APOOL: variants seen among roughly 807,000 people sequenced by gnomAD.
APOOL encodes apolipoprotein O like, also known as MICOS complex subunit MIC27.
A neutral mutation model predicts 23.1 loss-of-function variants in APOOL; 12 were observed. The ratio of observed to expected loss-of-function variants is 0.52; its 90% CI spans 0.33 to 0.84. The LOEUF is 0.84. Ranked by LOEUF, APOOL falls within the 40% of genes least tolerant of loss-of-function variation. The pLI, the probability that APOOL is intolerant of heterozygous loss-of-function variation, is 0.02. For synonymous variants in APOOL, 77 were observed against 69.9 expected (o/e 1.10, Z -0.51); for missense variants, 212 against 199.6 (o/e 1.06, Z -0.37).
intron 6 of APOOL, among the ~76,000 whole-genome samples, chrX:85,073,742 T>A (rs972424216): frequency 4.5e-5 from 5 of 110,693 alleles, no homozygotes; most frequent in Admixed American, 3.9e-4. Flanking sequence ...CTGAAAAAAA[T>A]TAAAAAAATA....
At chrX:85,079,811 A>G (rs966392861) in intron 8 of APOOL, among the ~76,000 whole-genome samples, 4 of 111,416 alleles carry the variant, frequency 3.6e-5, no homozygotes, top group African/African-American at 1.3e-4. Flanking sequence ...TTCCTGGTTT[A>G]GTCTTGGGAG....
intron 1 of APOOL, among the ~76,000 whole-genome samples, chrX:85,036,111 A>G (rs985591352): frequency 5.3e-5 from 6 of 112,264 alleles, no homozygotes; most frequent in Admixed American, 9.4e-5. Flanking sequence ...ATCCATGAGC[A>G]TGGAATGTTT....
rs750290861 is a variant in APOOL at position 85,030,914 on chromosome X, A to T, written c.16-15532A>T. On this transcript the variant is annotated intron_variant, in intron 1 of 8. Transcript: ENST00000373173. ...GTACTCCAAAAACTATTGAAATAGT[A>T]GATACATAGAAATTAAAAATAATAA... is the stretch of plus-strand genomic sequence containing the variant. 9.8e-5 allele frequency among the ~76,000 whole-genome samples: 11 copies of T among 112,401 alleles called. No individual in the cohort carries two copies. The East Asian group carries it at 2.5e-3, about 26-fold the overall frequency.
At chrX:85,075,912 G>GT (rs1923821722) in intron 8 of APOOL, among the ~76,000 whole-genome samples, 1 of 111,626 alleles carries the variant, frequency 9.0e-6, no homozygotes, top group South Asian at 3.8e-4. Flanking sequence ...CATAGACTGG[G>GT]TGGCTTATAA....
intron 1 of APOOL, among the ~76,000 whole-genome samples, chrX:85,038,115 T>G (rs374735918): frequency 9.8e-5 from 11 of 111,739 alleles, no homozygotes; most frequent in African/African-American, 3.6e-4. Flanking sequence ...AATCCTTTTT[T>G]GCGTCTATTA....
rs148346941 is a variant in APOOL at position 85,052,551 on chromosome X, A to G, written c.240+1043A>G. Among the ~76,000 whole-genome samples the G allele has an allele frequency of 5.0e-3, 565 of 112,093 alleles. 5 individuals carry two copies. Among genetic ancestry groups the G allele is most frequent in the Non-Finnish European group, 8.5e-3 (451 of 53,186 alleles). The stretch of plus-strand genomic sequence containing the variant: ...TTAGTTTCTATCCATTATCTTTAAA[A>G]AGAAATCTAATGAACTTATGAAAAA... On this transcript the variant is annotated intron_variant, in intron 3 of 8. Coordinates refer to ENST00000373173, the MANE Select transcript of APOOL (RefSeq NM_198450.6).
intron 1 of APOOL, among the ~76,000 whole-genome samples, chrX:85,012,614 T>C (rs762041648): frequency 8.9e-6 from 1 of 111,893 alleles, no homozygotes; most frequent in South Asian, 3.7e-4. Context: ...TATGATCTTA[T>C]GATTTTTAGT....
Position 85,065,284 on chromosome X carries a change from G to A in APOOL, c.395-1843G>A, listed in dbSNP as rs180811072. ...AGCCTATGTGTGTCTTTGCACATGC[G>A]ATGTGTCTCTTGAATACAGCACACC... On this transcript the variant is annotated intron_variant, in intron 5 of 8. Coordinates refer to ENST00000373173, the MANE Select transcript of APOOL (RefSeq NM_198450.6). 1.1e-4 allele frequency among the ~76,000 whole-genome samples: 12 copies of A among 111,382 alleles called. No homozygotes were observed. The South Asian group carries it at 1.5e-3, about 14-fold the overall frequency.
intron 2 of APOOL, among the ~76,000 whole-genome samples, chrX:85,049,711 C>T (rs925000541): frequency 2.7e-5 from 3 of 110,314 alleles, no homozygotes; most frequent in African/African-American, 9.9e-5. Flanking sequence ...TGCTTGAGCC[C>T]GGGAGGTTGA....
chrX:85,056,163 G>C (rs1387081324), intron 5 of APOOL, among the ~76,000 whole-genome samples: 1 of 111,228 alleles, frequency 9.0e-6, no homozygotes. Flanking sequence ...ATGAAAACTA[G>C]AATGAGATAC....
intron 1 of APOOL, among the ~76,000 whole-genome samples, chrX:85,011,884 A>G (rs1220929509): frequency 1.8e-5 from 2 of 111,478 alleles, no homozygotes; most frequent in African/African-American, 6.5e-5. Flanking sequence ...GTGGAGAATG[A>G]TGATGATATT....
intron 1 of APOOL, among the ~76,000 whole-genome samples, chrX:85,004,833 G>A (rs1569451750): frequency 9.0e-6 from 1 of 111,212 alleles, no homozygotes; most frequent in African/African-American, 3.3e-5. Context: ...TTATGGGCAT[G>A]TCATCATCTC....
At chrX:85,051,332 C>T (rs1922761834) in intron 2 of APOOL, 57 bp from the exon 3 acceptor site, 1 of 1,171,715 alleles carries the variant, frequency 8.5e-7, no homozygotes, top group African/African-American at 1.8e-5. Context: ...TGCCATACCG[C>T]TGTTATGGAC....
intron 1 of APOOL, among the ~76,000 whole-genome samples, chrX:85,004,430 A>G (rs2042791613): frequency 8.9e-6 from 1 of 111,772 alleles, no homozygotes; most frequent in Non-Finnish European, 1.9e-5. Flanking sequence ...CTGTGCTCGA[A>G]TAACCTGTTC....
rs192724396 is a variant in APOOL, at chrX:85,056,821, T to C, written c.394+896T>C. Among the ~76,000 whole-genome samples the C allele has an allele frequency of 5.9e-3, 663 of 112,033 alleles. 5 individuals are homozygous for C. The highest frequency in any genetic ancestry group is 0.02 in the African/African-American group (626 of 30,842). Reference sequence around the variant, plus strand: ...GTTTTAATATATACATAGAGTCATGTAACCATCACCACAACCAGGATACAG... The same window carrying C: ...GTTTTAATATATACATAGAGTCATGCAACCATCACCACAACCAGGATACAG... On this transcript the variant is annotated intron_variant, in intron 5 of 8. Coordinates refer to ENST00000373173, the MANE Select transcript of APOOL (RefSeq NM_198450.6).
At chrX:85,018,148 C>T (rs1338201232) in intron 1 of APOOL, among the ~76,000 whole-genome samples, 1 of 112,168 alleles carries the variant, frequency 8.9e-6, no homozygotes, top group Non-Finnish European at 1.9e-5. Context: ...TGCATTAGAC[C>T]ATTTTTGCAT....
intron 1 of APOOL, among the ~76,000 whole-genome samples, chrX:85,029,874 T>C (rs1921974537): frequency 1.8e-5 from 2 of 112,006 alleles, no homozygotes; most frequent in Admixed American, 9.5e-5. Flanking sequence ...GCTGTTCATG[T>C]GGATGTGGTG....
chrX:85,010,436 T>C lies in APOOL; in HGVS notation c.15+6509T>C, dbSNP rs780674326. On this transcript the variant is annotated intron_variant, in intron 1 of 8. Transcript: ENST00000373173. ...AGTTCTTTAGTGGTGATTTCTGAGA[T>C]TTTGGTGCACCTGTCACCTGAGCAG... Among the ~76,000 whole-genome samples the C allele has an allele frequency of 7.4e-4, 82 of 111,414 alleles. 1 individual carries two copies. The highest frequency in any genetic ancestry group is 2.5e-3 in the African/African-American group (78 of 30,700).
In APOOL at chrX:85,055,870, G is replaced by A. The variant is rs1367755665; in HGVS notation, c.339G>A (p.Pro113=). 8 of 1,201,092 alleles carry A rather than the reference G, an allele frequency of 6.7e-6. No homozygotes were observed. The highest frequency in any genetic ancestry group is 2.3e-4 in the Middle Eastern group (1 of 4,306). ...YLKNPPRDFL[P]KMGVITVSGL... Reference sequence around the variant, plus strand: ...AGAATCCTCCTCGAGATTTTCTTCCGAAAATGGGAGTTATTACAGTTTCAG... The same window carrying A: ...AGAATCCTCCTCGAGATTTTCTTCCAAAAATGGGAGTTATTACAGTTTCAG... The change falls in exon 5 of 9, where the codon CCG becomes CCA. Residue 113 remains proline, a synonymous_variant. Coordinates refer to ENST00000373173, the MANE Select transcript of APOOL (RefSeq NM_198450.6).
Sources: allele counts gnomAD v4.1 joint callset (sites outside exome capture counted in the v4.1 genomes callset), GRCh38; gene constraint gnomAD v4.1.1; transcripts MANE v1.5; gene names NCBI Gene and HGNC (gene_info 2026-07-23, HGNC 2026-07-21).